ITPR2: variants seen among roughly 807,000 people sequenced by gnomAD.
ITPR2 encodes inositol 1,4,5-trisphosphate-gated calcium channel ITPR2.
ITPR2 carries 207 observed loss-of-function variants against 317.1 expected under a neutral mutation model. The ratio of observed to expected loss-of-function variants is 0.65; its 90% CI spans 0.58 to 0.73. The LOEUF is 0.73. Among genes scored for constraint, ITPR2 ranks in the 30% least tolerant of loss-of-function variants. The probability of loss-of-function intolerance (pLI) is 0.00; values close to 1 mark genes in which losing one functional copy is unlikely to be tolerated. For synonymous variants in ITPR2, 1,156 were observed against 1,149.1 expected, an observed-to-expected ratio of 1.01 and a Z score of -0.12; for missense variants, 2,613 against 3,284.0, an observed-to-expected ratio of 0.80 and a Z score of 4.99.
intron 9 of ITPR2, among the ~76,000 whole-genome samples, chr12:26,706,472 T>C (rs1024986270): frequency 6.6e-6 from 1 of 152,184 alleles, no homozygotes; most frequent in South Asian, 2.1e-4. Flanking sequence ...CGAGTTTGTA[T>C]GGTGCCACAC....
At chr12:26,751,431 C>T (rs1009124006) in intron 2 of ITPR2, among the ~76,000 whole-genome samples, 4 of 152,186 alleles carry the variant, frequency 2.6e-5, no homozygotes, top group Non-Finnish European at 5.9e-5. Context: ...TCTCAAACTA[C>T]TAGAACCAGC....
At chr12:26,804,075 G>C (rs989224853) in intron 1 of ITPR2, among the ~76,000 whole-genome samples, 1 of 152,040 alleles carries the variant, frequency 6.6e-6, no homozygotes, top group South Asian at 2.1e-4. Flanking sequence ...GCAGATGACT[G>C]TTGTTTCTGA....
At chr12:26,656,190 C>G in intron 19 of ITPR2, 107 bp downstream of exon 19, 9 of 1,384,896 alleles carry the variant, frequency 6.5e-6, no homozygotes, top group Non-Finnish European at 9.0e-6. Flanking sequence ...CAACCCAAGA[C>G]AGGATACACA....
intron 10 of ITPR2, among the ~76,000 whole-genome samples, chr12:26,688,232 G>C (rs1365792193): frequency 6.6e-6 from 1 of 151,992 alleles, no homozygotes; most frequent in African/African-American, 2.4e-5. Flanking sequence ...GTACTAACTG[G>C]ACCTCAGTAT....
At position 26,656,297 on chromosome 12, in the gene ITPR2, T is replaced by A; in HGVS notation, c.2444A>T (p.Glu815Val). 6.2e-7 allele frequency: 1 copy of A among 1,613,942 alleles called. No homozygotes were observed. The highest frequency in any genetic ancestry group is 8.5e-7 in the Non-Finnish European group (1 of 1,179,902). Residue 815 changes from glutamate to valine, a missense_variant and splice_region_variant, in exon 19 of 57, where the codon GAA becomes GTA. Physicochemically the swap from Glu to Val is moderately radical, Grantham distance 121. Transcript: ENST00000381340. The part of the protein sequence containing the change: ...TEIPTKITIH[E>V]YDSITDSSRN... ...CCTCAAGACCTTTTTCCAAACATAC[T>A]CATGAATTGTGATCTTTGTGGGGAT...
chr12:26,411,190 T>C (rs1448502160), intron 52 of ITPR2, 130 bp downstream of exon 52: 1 of 634,214 alleles, frequency 1.6e-6, no homozygotes, highest in Non-Finnish European at 2.7e-6. Context: ...TCTTGGTTCT[T>C]TTACTCTCTA....
intron 55 of ITPR2, among the ~76,000 whole-genome samples, chr12:26,378,909 C>A (rs79041148): frequency 0.027 from 4,168 of 152,250 alleles, 178 homozygotes; most frequent in African/African-American, 0.095. Flanking sequence ...GGATTGTCAT[C>A]TGACTTCCTG....
chr12:26,387,381 G>GAA, intron 55 of ITPR2, 53 bp downstream of exon 55: 16 of 1,538,930 alleles, frequency 1.0e-5, no homozygotes, highest in Non-Finnish European at 1.4e-5. Flanking sequence ...TAGAGAAGAT[G>GAA]AAAGCCTAAA....
chr12:26,588,316 A>G (rs1002516169), intron 32 of ITPR2, among the ~76,000 whole-genome samples: 8 of 152,202 alleles, frequency 5.3e-5, no homozygotes, highest in African/African-American at 1.9e-4. Context: ...CAGAGAAAAC[A>G]GACAAGAGAC....
At chr12:26,708,582 G>A (rs904820106) in intron 9 of ITPR2, among the ~76,000 whole-genome samples, 2 of 152,166 alleles carry the variant, frequency 1.3e-5, no homozygotes, top group African/African-American at 4.8e-5. Context: ...GGAGTAGAAG[G>A]ATAGTTACCA....
Position 26,387,351 on chromosome 12 carries a change from AT to A in ITPR2, c.7857+82del, listed in dbSNP as rs977552661. ...AAAAAATGATTGCTACAATCTTCAT[AT>A]TTTGGGAGGATGGTAGGGTAGAGAA... On this transcript the variant is annotated intron_variant, in intron 55 of 56. Transcript: ENST00000381340. The A allele has an allele frequency of 2.1e-5, 27 of 1,280,436 alleles. No homozygotes were observed. In the African/African-American group the frequency reaches 3.1e-4, roughly 15 times the overall value. The allele number at this position is 1,280,436 out of a possible 1,614,324, so 79.3% of individuals were successfully genotyped here.
chr12:26,391,564 T>A (rs1199168977), intron 54 of ITPR2, among the ~76,000 whole-genome samples: 2 of 127,774 alleles, frequency 1.6e-5, no homozygotes, highest in Admixed American at 1.5e-4. Context: ...TCCTTTTTTT[T>A]TTTTTTTTTT....
intron 34 of ITPR2, among the ~76,000 whole-genome samples, chr12:26,577,764 G>A (rs1458945884): frequency 3.3e-5 from 5 of 152,094 alleles, no homozygotes. Flanking sequence ...ATTGCAAACA[G>A]GGAGAAATGA....
intron 2 of ITPR2, among the ~76,000 whole-genome samples, chr12:26,731,161 AG>A (rs1949023012): frequency 1.3e-5 from 2 of 152,158 alleles, no homozygotes; most frequent in African/African-American, 4.8e-5. Flanking sequence ...TTCCTCCTAA[AG>A]ATGTCTTAAG....
chr12:26,519,913 GAAAC>G (rs901296173), intron 37 of ITPR2, among the ~76,000 whole-genome samples: 2 of 152,162 alleles, frequency 1.3e-5, no homozygotes, highest in African/African-American at 2.4e-5. Flanking sequence ...TGATATGACA[GAAAC>G]AAACATACAT....
At chr12:26,593,206 A>G (rs1945751631) in intron 32 of ITPR2, among the ~76,000 whole-genome samples, 1 of 152,206 alleles carries the variant, frequency 6.6e-6, no homozygotes, top group Non-Finnish European at 1.5e-5. Context: ...CACCTGCAGC[A>G]CCACTTAGGA....
chr12:26,372,503 T>C (rs1939216628), intron 55 of ITPR2, among the ~76,000 whole-genome samples: 3 of 152,218 alleles, frequency 2.0e-5, no homozygotes, highest in African/African-American at 7.2e-5. Flanking sequence ...GGAGGTTAAA[T>C]GCCTGCCCAA....
chr12:26,560,672 C>T (rs1393274612), intron 35 of ITPR2, among the ~76,000 whole-genome samples: 1 of 152,208 alleles, frequency 6.6e-6, no homozygotes, highest in Non-Finnish European at 1.5e-5. Context: ...CCCTCTTCCT[C>T]TAGTCTCTTT....
intron 32 of ITPR2, among the ~76,000 whole-genome samples, chr12:26,594,370 G>C (rs1013346738): frequency 6.6e-6 from 1 of 151,896 alleles, no homozygotes; most frequent in Admixed American, 6.6e-5. Flanking sequence ...ACATGTCTGA[G>C]TCTACAGGCA....
Sources: gnomAD v4.1 joint callset for allele counts (sites outside exome capture counted in the v4.1 genomes callset) on GRCh38, gnomAD v4.1.1 for gene constraint, MANE v1.5 for transcripts, NCBI Gene and HGNC (gene_info 2026-07-23, HGNC 2026-07-21) for gene names.